USP9X: variants seen among roughly 807,000 people sequenced by gnomAD.
The protein encoded by USP9X is ubiquitin specific peptidase 9 X-linked, also known as ubiquitin carboxyl-terminal hydrolase 9X.
USP9X carries 7 observed loss-of-function variants against 190.3 expected under a neutral mutation model. The observed-to-expected ratio is 0.04, with a 90% CI of 0.02 to 0.07. The LOEUF is 0.07. Among genes scored for constraint, USP9X ranks in the 10% least tolerant of loss-of-function variants. The pLI, the probability that USP9X is intolerant of heterozygous loss-of-function variation, is 1.00. For missense variants in USP9X, 1,010 were observed against 1,916.9 expected (o/e 0.53, Z 8.83); for synonymous variants, 645 against 659.5 (o/e 0.98, Z 0.34).
At chrX:41,145,056 T>G (rs1001771991) in intron 11 of USP9X, among the ~76,000 whole-genome samples, 5 of 111,886 alleles carry the variant, frequency 4.5e-5, no homozygotes, top group Non-Finnish European at 9.4e-5. Flanking sequence ...ATATCTGCAT[T>G]GATGCCATCA....
intron 2 of USP9X, among the ~76,000 whole-genome samples, chrX:41,124,585 A>T (rs1042150174): frequency 2.7e-5 from 3 of 112,231 alleles, no homozygotes; most frequent in African/African-American, 9.7e-5. Context: ...GCCATGTGTC[A>T]ATTCTAAGGG....
At chrX:41,128,893 A>ATT (rs1334738494) in intron 2 of USP9X, 107 bp from the exon 3 acceptor site, 1 of 855,421 alleles carries the variant, frequency 1.2e-6, no homozygotes, top group African/African-American at 2.1e-5. Flanking sequence ...ATGTAGGGCT[A>ATT]TTTACAAAAT....
Position 41,187,837 on chromosome X carries a change from T to TC in USP9X, c.3685-155_3685-154insC, listed in dbSNP as rs1361015382. On this transcript the variant is annotated intron_variant, in intron 24 of 44. Transcript: ENST00000378308. ...GGGCCCTCCGCCCCCACCTTTTTTT[T>TC]TTTTTTTTTTTAAGACAAAGGCAAC... Among the ~76,000 whole-genome samples, 197 of 110,482 alleles carry TC rather than the reference T, an allele frequency of 1.8e-3. 3 individuals carry two copies. The highest frequency in any genetic ancestry group is 2.2e-3 in the Non-Finnish European group (114 of 52,752).
intron 1 of USP9X, among the ~76,000 whole-genome samples, chrX:41,097,623 A>G (rs1349599390): frequency 1.8e-5 from 2 of 112,318 alleles, no homozygotes; most frequent in Non-Finnish European, 3.8e-5. Flanking sequence ...ATTTTTATGA[A>G]AAATAACTTT....
chrX:41,229,918 C>T (rs773454193), intron 43 of USP9X, 139 bp downstream of exon 43: 8 of 1,062,456 alleles, frequency 7.5e-6, no homozygotes, highest in Middle Eastern at 3.4e-4. Context: ...AATGTTTATT[C>T]GGCTGGGCAT....
intron 28 of USP9X, 33 bp from the exon 29 acceptor site, chrX:41,197,331 T>TCCCCCCCCCCCCCCC: frequency 6.2e-6 from 3 of 486,755 alleles, no homozygotes; most frequent in Non-Finnish European, 5.9e-6. Context: ...TTTGATTTCT[T>TCCCCCCCCCCCCCCC]CCCCCCCCCA....
Position 41,198,769 on chromosome X carries a change from A to G in USP9X, c.4603+19A>G, listed in dbSNP as rs55900117. 0.012 allele frequency: 13,967 copies of G among 1,128,223 alleles called. 67 individuals are homozygous for G. The highest frequency in any genetic ancestry group is 0.016 in the Non-Finnish European group (12,891 of 831,086). 93.0% of individuals were successfully genotyped at this position (1,128,223 alleles called of 1,213,427 possible). A position where few individuals can be genotyped will look rare whatever the true frequency, so the allele number is the denominator to read the frequency against. Reference sequence around the variant, plus strand: ...ATAACTAGTAAGTATTTTTAATAGAATGTGATAATTGATCATTTCAATGTT... The same window carrying G: ...ATAACTAGTAAGTATTTTTAATAGAGTGTGATAATTGATCATTTCAATGTT... On this transcript the variant is annotated intron_variant, in intron 30 of 44. Transcript: ENST00000378308.
At chrX:41,172,031 A>G in intron 21 of USP9X, 73 bp downstream of exon 21, 9 of 1,148,366 alleles carry the variant, frequency 7.8e-6, no homozygotes, top group East Asian at 3.0e-5. Flanking sequence ...CTGTTTCTAA[A>G]TGGACCGTGC....
intron 37 of USP9X, among the ~76,000 whole-genome samples, chrX:41,218,849 T>G (rs1259530914): frequency 3.6e-5 from 4 of 112,519 alleles, no homozygotes; most frequent in Non-Finnish European, 7.5e-5. Context: ...TACTGTTAAG[T>G]AGATTTTTTC....
At chrX:41,198,171 A>G (rs766919630) in intron 29 of USP9X, among the ~76,000 whole-genome samples, 1 of 112,514 alleles carries the variant, frequency 8.9e-6, no homozygotes, top group Non-Finnish European at 1.9e-5. Context: ...TCATACATGT[A>G]GTAACACAAG....
chrX:41,203,752 C>T (rs1023007618), intron 31 of USP9X, among the ~76,000 whole-genome samples: 18 of 110,950 alleles, frequency 1.6e-4, no homozygotes, highest in African/African-American at 5.9e-4. Flanking sequence ...GGCTGGAGTG[C>T]AGTGGTGCTA....
At chrX:41,231,188 G>A (rs745616064) in intron 44 of USP9X, among the ~76,000 whole-genome samples, 8 of 111,626 alleles carry the variant, frequency 7.2e-5, no homozygotes, top group African/African-American at 1.3e-4. Flanking sequence ...TTGCACAGGC[G>A]TGAGTCTCCC....
intron 14 of USP9X, among the ~76,000 whole-genome samples, 155 bp downstream of exon 14, chrX:41,153,236 G>T (rs1156535862): frequency 2.4e-5 from 1 of 40,880 alleles, no homozygotes; most frequent in Non-Finnish European, 5.5e-5. Context: ...AGCAGTTTAA[G>T]AGTCTTCACT....
intron 30 of USP9X, among the ~76,000 whole-genome samples, chrX:41,200,548 A>G (rs2063032699): frequency 8.9e-6 from 1 of 112,122 alleles, no homozygotes; most frequent in African/African-American, 3.2e-5. Context: ...TACATTTACT[A>G]GGAAGAAACA....
chrX:41,186,783 C>A, intron 24 of USP9X, 141 bp downstream of exon 24: 1 of 699,000 alleles, frequency 1.4e-6, no homozygotes, highest in Non-Finnish European at 2.1e-6. Flanking sequence ...TTTTAATCAA[C>A]TTTATGTATA....
chrX:41,114,216 A>C (rs868418057), intron 1 of USP9X, among the ~76,000 whole-genome samples: 30 of 111,982 alleles, frequency 2.7e-4, no homozygotes, highest in Admixed American at 3.8e-4. Context: ...TACGGGACTC[A>C]TGAAGTGTCA....
Position 41,206,644 on chromosome X carries a change from T to A in USP9X, c.5015+1151T>A, listed in dbSNP as rs780279995. Among the ~76,000 whole-genome samples, 7 of 111,702 alleles carry A rather than the reference T, an allele frequency of 6.3e-5. No individual in the cohort carries two copies. In the South Asian group the frequency reaches 2.6e-3, roughly 41 times the overall value. ...GGCTTGATCAGATTGTGGTATTATT[T>A]TTCTTTTTGTGGAATGGATAGGCAA... On this transcript the variant is annotated intron_variant, in intron 32 of 44. Coordinates refer to ENST00000378308, the MANE Select transcript of USP9X (RefSeq NM_001039591.3).
intron 4 of USP9X, 131 bp downstream of exon 4, chrX:41,131,667 C>T (rs778875537): frequency 3.5e-5 from 16 of 461,265 alleles, no homozygotes; most frequent in Non-Finnish European, 5.2e-5. Context: ...AGGAGGGGCT[C>T]ATATCCTTTG....
chrX:41,160,939 G>A (rs993520195), intron 14 of USP9X, among the ~76,000 whole-genome samples: 2 of 111,459 alleles, frequency 1.8e-5, no homozygotes, highest in Admixed American at 1.9e-4. Context: ...CTCCTCCGAG[G>A]GGGTGGAGGT....
Sources: allele counts gnomAD v4.1 joint callset (sites outside exome capture counted in the v4.1 genomes callset), GRCh38; gene constraint gnomAD v4.1.1; transcripts MANE v1.5; gene names NCBI Gene and HGNC (gene_info 2026-07-23, HGNC 2026-07-21).